CFH: variants seen among roughly 807,000 people sequenced by gnomAD.
CFH encodes the protein complement factor H, also known as H factor 1 (complement).
CFH carries 53 observed loss-of-function variants against 147.3 expected under a neutral mutation model. The observed-to-expected ratio is 0.36, with a 90% confidence interval of 0.29 to 0.45. The LOEUF is 0.45. CFH is among the 20% of genes least tolerant of loss of function. CFH has a pLI of 1.00. For synonymous variants in CFH, 536 were observed against 489.4 expected, an observed-to-expected ratio of 1.10 and a Z score of -1.26; for missense variants, 1,380 against 1,498.0, an observed-to-expected ratio of 0.92 and a Z score of 1.30.
chr1:196,742,350 A>C (rs201254178), intron 19 of CFH, among the ~76,000 whole-genome samples: 7 of 152,294 alleles, frequency 4.6e-5, no homozygotes, highest in Middle Eastern at 3.4e-3. Context: ...CACTCCACCC[A>C]GGGTGACAGA....
At chr1:196,664,100 G>A (rs766143063) in intron 1 of CFH, among the ~76,000 whole-genome samples, 4 of 151,740 alleles carry the variant, frequency 2.6e-5, no homozygotes, top group African/African-American at 7.3e-5. Context: ...CCTGTCTCTC[G>A]GCTGGAGTGC....
At chr1:196,685,338 A>T (rs1011184568) in intron 7 of CFH, 101 bp downstream of exon 7, 2 of 1,213,966 alleles carry the variant, frequency 1.6e-6, no homozygotes, top group Non-Finnish European at 2.4e-6. Context: ...GTCTTATTGT[A>T]TATACAAAGT....
Position 196,689,775 on chromosome 1 carries a change from G to A in CFH, c.1159+161G>A, listed in dbSNP as rs12029785. Among the ~76,000 whole-genome samples the A allele has an allele frequency of 0.65, 97,933 of 151,830 alleles. 32,031 individuals carry two copies. The highest frequency in any genetic ancestry group is 0.95 in the East Asian group (4,889 of 5,154). ...AAAATAGATCTTTTCTATTATGAGG[G>A]TTTCTTCTTGAAAATCACAGGAGAA... On this transcript the variant is annotated intron_variant, in intron 8 of 21. Transcript: ENST00000367429.
chr1:196,746,362 A>C (rs36054875), intron 21 of CFH, among the ~76,000 whole-genome samples: 2,174 of 152,246 alleles, frequency 0.014, 52 homozygotes, highest in African/African-American at 0.049. Flanking sequence ...GAGGCAGGAA[A>C]ATGGCGGGAA....
At chr1:196,689,287 GACC>G (rs1667941892) in intron 7 of CFH, 130 bp from the exon 8 acceptor site, 2 of 804,078 alleles carry the variant, frequency 2.5e-6, no homozygotes, top group South Asian at 3.7e-5. Flanking sequence ...CATTTGTTTT[GACC>G]TAGAAACCCT....
Position 196,737,019 on chromosome 1 carries a change from T to G in CFH, c.2596+13T>G, listed in dbSNP as rs750924722. The G allele has an allele frequency of 6.3e-7, 1 of 1,599,826 alleles. No individual in the cohort carries two copies. Among genetic ancestry groups the G allele is most frequent in the Non-Finnish European group, 8.6e-7 (1 of 1,169,036 alleles). The stretch of plus-strand genomic sequence containing the variant: ...CCACTCTGTGTTGGTCAGTAGTGTA[T>G]AATTTGTTTTACATAATTCTTTCAA... On this transcript the variant is annotated intron_variant, in intron 16 of 21. Transcript: ENST00000367429.
rs756343634 is a variant in CFH at position 196,746,068 on chromosome 1, C to T, written c.3493+69C>T. The T allele has an allele frequency of 5.8e-5, 93 of 1,607,562 alleles. No individual in the cohort carries two copies. The South Asian group carries it at 5.9e-4, about 10-fold the overall frequency. On this transcript the variant is annotated intron_variant, in intron 21 of 21. Coordinates refer to ENST00000367429, the MANE Select transcript of CFH (RefSeq NM_000186.4). Reference sequence around the variant, plus strand: ...GAGTCTGATATTTCACTGTTTGTAACAAAATACTCACAGATTATTGAACAA... The same window carrying T: ...GAGTCTGATATTTCACTGTTTGTAATAAAATACTCACAGATTATTGAACAA...
In CFH at chr1:196,723,291, T is replaced by G. The variant is rs142125223; in HGVS notation, c.1697-1830T>G. On this transcript the variant is annotated intron_variant, in intron 11 of 21. Transcript: ENST00000367429. ...TACGATGTATGTTGTATAGGGCTATTTGGTTTAGGTTCTGGGTTCTTTCAG... is the reference window on the plus strand; with the variant it reads ...TACGATGTATGTTGTATAGGGCTATGTGGTTTAGGTTCTGGGTTCTTTCAG... Among the ~76,000 whole-genome samples, 255 of 152,248 alleles carry G rather than the reference T, an allele frequency of 1.7e-3. 2 individuals carry two copies. The highest frequency in any genetic ancestry group is 5.9e-3 in the African/African-American group (245 of 41,552).
chr1:196,740,214 G>C (rs968794608), intron 17 of CFH, among the ~76,000 whole-genome samples: 3 of 152,134 alleles, frequency 2.0e-5, no homozygotes, highest in Non-Finnish European at 4.4e-5. Context: ...TCTGCAAGTT[G>C]TCATGTTTGC....
intron 1 of CFH, among the ~76,000 whole-genome samples, chr1:196,654,690 C>T (rs1666625058): frequency 6.6e-6 from 1 of 152,126 alleles, no homozygotes; most frequent in Admixed American, 6.5e-5. Context: ...TAAATTAAAA[C>T]TCTACTGAAA....
Position 196,725,134 on chromosome 1 carries a change from A to T in CFH, c.1710A>T (p.Glu570Asp). 1 of 1,613,320 alleles carries T rather than the reference A, an allele frequency of 6.2e-7. No homozygotes were observed. The highest frequency in any genetic ancestry group is 1.1e-5 in the South Asian group (1 of 91,032). Reference sequence around the variant, plus strand: ...ACCTTTTTCAAGAAAGAGAATGCGAACTTCCTAAAATAGATGTACACTTAG... The same window carrying T: ...ACCTTTTTCAAGAAAGAGAATGCGATCTTCCTAAAATAGATGTACACTTAG... ...DLPICYEREC[E>D]LPKIDVHLVP... is the part of the protein sequence containing the mutation. The change falls in exon 12 of 22, where the codon GAA becomes GAT. Residue 570 changes from glutamate (E) to aspartate (D), a missense_variant. Glu to Asp is a conservative substitution (Grantham distance 45, BLOSUM62 2). This residue lies in a region of CFH where 830 missense variants were observed against 821.4 expected (regional missense o/e 1.01). Coordinates refer to ENST00000367429, the MANE Select transcript of CFH (RefSeq NM_000186.4).
intron 9 of CFH, among the ~76,000 whole-genome samples, chr1:196,712,968 A>G (rs2149101718): frequency 6.6e-6 from 1 of 152,078 alleles, no homozygotes. Flanking sequence ...ATGGCTGCAT[A>G]GTATTCCATG....
At chr1:196,743,713 A>G in intron 20 of CFH, 85 bp downstream of exon 20, 3 of 1,573,824 alleles carry the variant, frequency 1.9e-6, no homozygotes, top group Non-Finnish European at 2.6e-6. Flanking sequence ...AGTCATTTTT[A>G]TTAATAGATT....
At chr1:196,668,269 CTT>C (rs757753581) in intron 1 of CFH, among the ~76,000 whole-genome samples, 7 of 151,974 alleles carry the variant, frequency 4.6e-5, no homozygotes, top group Admixed American at 6.6e-5. Flanking sequence ...ATTCTTTCTG[CTT>C]TTGTTTGCTT....
chr1:196,662,220 G>A (rs1338779620), intron 1 of CFH, among the ~76,000 whole-genome samples: 1 of 152,188 alleles, frequency 6.6e-6, no homozygotes, highest in African/African-American at 2.4e-5. Context: ...TGGGAATGCT[G>A]ACTTAAGCAA....
At chr1:196,669,322 T>C (rs1341954369) in intron 1 of CFH, among the ~76,000 whole-genome samples, 1 of 152,126 alleles carries the variant, frequency 6.6e-6, no homozygotes, top group Non-Finnish European at 1.5e-5. Context: ...GAGAAATCTG[T>C]GTAAGGAATG....
At chr1:196,664,058 T>C (rs1014111696) in intron 1 of CFH, among the ~76,000 whole-genome samples, 5 of 137,186 alleles carry the variant, frequency 3.6e-5, no homozygotes, top group Non-Finnish European at 7.4e-5. Flanking sequence ...TATGTTTTCC[T>C]GTTTTTTTCC....
At chr1:196,673,365 T>C in intron 2 of CFH, 2 of 566,262 alleles carry the variant, frequency 3.5e-6, no homozygotes. Context: ...TGAGATGGAG[T>C]CTCCCTCTAT....
At chr1:196,690,355 C>A in intron 9 of CFH, 116 bp downstream of exon 9, 1 of 1,441,090 alleles carries the variant, frequency 6.9e-7, no homozygotes, top group Non-Finnish European at 9.7e-7. Flanking sequence ...CTTGTTTTAC[C>A]AATGGACCTA....
Sources: gnomAD v4.1 joint callset for allele counts (sites outside exome capture counted in the v4.1 genomes callset) on GRCh38, gnomAD v4.1.1 for gene constraint, gnomAD v4.1.1 regional missense constraint, MANE v1.5 for transcripts, NCBI Gene and HGNC (gene_info 2026-07-23, HGNC 2026-07-21) for gene names.